Variants in WASHC3 observed in about 807,000 individuals in gnomAD.
WASHC3 encodes the protein WASH complex subunit CCDC53.
WASHC3 carries 24 observed loss-of-function variants against 26.1 expected under a neutral mutation model. The observed-to-expected ratio is 0.92, with a 90% CI of 0.66 to 1.29. The LOEUF is 1.29. WASHC3 is among the 50% of genes most tolerant of loss of function. WASHC3 has a pLI of 0.00. For missense variants in WASHC3, 214 were observed against 229.6 expected, an observed-to-expected ratio of 0.93 and a Z score of 0.44; for synonymous variants, 77 against 75.7, an observed-to-expected ratio of 1.02 and a Z score of -0.09.
chr12:102,036,793 C>T (rs1180260937), intron 5 of WASHC3, among the ~76,000 whole-genome samples: 2 of 152,002 alleles, frequency 1.3e-5, no homozygotes, highest in Non-Finnish European at 2.9e-5. Flanking sequence ...AAAGGGCTAA[C>T]AACAGAAAAA....
chr12:102,061,182 T>G, intron 2 of WASHC3, 66 bp downstream of exon 2: 1 of 1,029,024 alleles, frequency 9.7e-7, no homozygotes, highest in Non-Finnish European at 1.5e-6. Context: ...TTTTACTCCA[T>G]TTGTCAGTCT....
intron 4 of WASHC3, 114 bp downstream of exon 4, chr12:102,043,989 GTT>G: frequency 2.0e-6 from 1 of 501,328 alleles, no homozygotes; most frequent in South Asian, 3.2e-5. Flanking sequence ...CTATGTTAAG[GTT>G]TTAAAATTTT....
chr12:102,049,091 A>G (rs1044299167), intron 2 of WASHC3, among the ~76,000 whole-genome samples: 2 of 152,254 alleles, frequency 1.3e-5, no homozygotes, highest in African/African-American at 4.8e-5. Flanking sequence ...CCAGACCACT[A>G]TAAAACAAGT....
At chr12:102,035,366 A>G (rs1877611218) in intron 5 of WASHC3, among the ~76,000 whole-genome samples, 1 of 152,220 alleles carries the variant, frequency 6.6e-6, no homozygotes, top group African/African-American at 2.4e-5. Context: ...CCAAGGAAAG[A>G]AAATTCCTGG....
intron 2 of WASHC3, 92 bp downstream of exon 2, chr12:102,061,154 TAA>T: frequency 1.2e-6 from 1 of 805,928 alleles, no homozygotes; most frequent in Non-Finnish European, 2.1e-6. Context: ...GGTACATGAA[TAA>T]AGACTGTAAT....
intron 2 of WASHC3, among the ~76,000 whole-genome samples, chr12:102,059,406 C>G (rs1008558824): frequency 2.0e-5 from 3 of 152,086 alleles, no homozygotes; most frequent in African/African-American, 4.8e-5. Flanking sequence ...TTTTGATGAA[C>G]AAACTTTTCT....
rs531451636 is a variant in WASHC3 at position 102,029,923 on chromosome 12, C to T, written c.436-3885G>A. Among the ~76,000 whole-genome samples the T allele has an allele frequency of 2.0e-5, 3 of 152,300 alleles. No homozygotes were observed. The East Asian group carries it at 5.8e-4, about 29-fold the overall frequency. ...GGCAGCTAGTCCCCCAATCAGGCTCCTTTTACTTAAAATTTAACTTAATAA... is the reference window on the plus strand; with the variant it reads ...GGCAGCTAGTCCCCCAATCAGGCTCTTTTTACTTAAAATTTAACTTAATAA... On this transcript the variant is annotated intron_variant, in intron 5 of 6. Coordinates refer to ENST00000240079, the MANE Select transcript of WASHC3 (RefSeq NM_016053.4).
At chr12:102,037,582 A>G (rs1020326047) in intron 5 of WASHC3, among the ~76,000 whole-genome samples, 4 of 152,148 alleles carry the variant, frequency 2.6e-5, no homozygotes, top group African/African-American at 9.7e-5. Context: ...GGGGCTGCCA[A>G]TGTATTTATT....
At chr12:102,061,827 C>CGGAAGGTGGGTGTCTCCCCG (rs1878823865) in intron 1 of WASHC3, 85 bp downstream of exon 1, 2 of 1,231,822 alleles carry the variant, frequency 1.6e-6, no homozygotes, top group Non-Finnish European at 1.2e-6. Context: ...GGTGGGGACT[C>CGGAAGGTGGGTGTCTCCCCG]GGAAGGTGGG....
intron 4 of WASHC3, among the ~76,000 whole-genome samples, chr12:102,040,975 A>G (rs1312179468): frequency 7.9e-5 from 12 of 151,972 alleles, no homozygotes. Context: ...TGAATTACAT[A>G]TTGAAGTTTT....
upstream of WASHC3, chr12:102,062,035 C>A (rs889012619): frequency 7.5e-6 from 10 of 1,334,750 alleles, no homozygotes; most frequent in Non-Finnish European, 6.3e-6. Flanking sequence ...ACCCGGTAAT[C>A]ACGTCTCAAC....
In WASHC3 at chr12:102,046,037, T is replaced by G; in HGVS notation, c.216+17A>C. 1 of 1,473,074 alleles carries G rather than the reference T, an allele frequency of 6.8e-7. No homozygotes were observed. Among genetic ancestry groups the G allele is most frequent in the Non-Finnish European group, 9.4e-7 (1 of 1,064,730 alleles). 91.3% of individuals were successfully genotyped at this position (1,473,074 alleles called of 1,614,324 possible). A position where few individuals can be genotyped will look rare whatever the true frequency, so the allele number is the denominator to read the frequency against. ...GCACAGCAAAGTTTATACTACAAAT[T>G]ATTGAGAAATACCAACCTTTGCATC... On this transcript the variant is annotated intron_variant, in intron 3 of 6. Coordinates refer to ENST00000240079, the MANE Select transcript of WASHC3 (RefSeq NM_016053.4).
At chr12:102,043,639 A>G (rs913330133) in intron 4 of WASHC3, 3 of 152,362 alleles carry the variant, frequency 2.0e-5, no homozygotes, top group African/African-American at 7.2e-5. Context: ...AAAATGTCAA[A>G]ACTTTTCAGA....
intron 5 of WASHC3, among the ~76,000 whole-genome samples, chr12:102,030,040 A>G (rs1877365945): frequency 6.6e-6 from 1 of 152,172 alleles, no homozygotes; most frequent in Admixed American, 6.5e-5. Context: ...TCATGCCTGT[A>G]ATCCCAGCAC....
At chr12:102,035,633 A>G (rs372900948) in intron 5 of WASHC3, among the ~76,000 whole-genome samples, 2 of 151,822 alleles carry the variant, frequency 1.3e-5, no homozygotes, top group East Asian at 1.9e-4. Context: ...GGTAGCACAA[A>G]GTGAAGAAGG....
chr12:102,048,639 GT>G (rs35546758), intron 2 of WASHC3, among the ~76,000 whole-genome samples: 43,088 of 147,174 alleles, frequency 0.29, 6,333 homozygotes, highest in African/African-American at 0.37. Flanking sequence ...AGAAATCATA[GT>G]TTTTTTTTTA....
chr12:102,025,823 G>A, intron 6 of WASHC3, 151 bp downstream of exon 6: 2 of 589,692 alleles, frequency 3.4e-6, no homozygotes, highest in Non-Finnish European at 5.9e-6. Context: ...TTTCTGTTTG[G>A]TAACATAACA....
At chr12:102,055,813 T>C (rs1878572035) in intron 2 of WASHC3, among the ~76,000 whole-genome samples, 1 of 152,248 alleles carries the variant, frequency 6.6e-6, no homozygotes, top group South Asian at 2.1e-4. Flanking sequence ...GTTTCTGTCC[T>C]GTGGTTGAGT....
intron 6 of WASHC3, 66 bp downstream of exon 6, chr12:102,025,908 T>G: frequency 1.2e-6 from 1 of 834,364 alleles, no homozygotes; most frequent in Non-Finnish European, 1.9e-6. Context: ...ATTTGAAATA[T>G]TTTTATTATA....
Sources: gnomAD v4.1 joint callset for allele counts (sites outside exome capture counted in the v4.1 genomes callset) on GRCh38, gnomAD v4.1.1 for gene constraint, MANE v1.5 for transcripts, NCBI Gene and HGNC (gene_info 2026-07-23, HGNC 2026-07-21) for gene names.